The following ADCY4 variants were observed in gnomAD, a reference collection of about 807,000 sequenced individuals.
ADCY4 encodes adenylate cyclase type 4.
A neutral mutation model predicts 125.5 loss-of-function variants in ADCY4; 111 were observed. The ratio of observed to expected loss-of-function variants is 0.88; its 90% confidence interval spans 0.76 to 1.04. The LOEUF is 1.04. Ranked by LOEUF, ADCY4 falls within the 50% of genes least tolerant of loss-of-function variation. ADCY4 has a pLI of 0.00. For missense variants in ADCY4, 1,256 were observed against 1,382.9 expected (o/e 0.91, Z 1.46); for synonymous variants, 576 against 586.9 (o/e 0.98, Z 0.27).
At chr14:24,321,259 A>AT (rs60802826) in intron 20 of ADCY4, among the ~76,000 whole-genome samples, 15 of 150,844 alleles carry the variant, frequency 9.9e-5, no homozygotes, top group East Asian at 3.9e-4. Context: ...AAAAAAAAAA[A>AT]ATATAAAAAA....
At chr14:24,325,058 A>C (rs2041920701) in intron 14 of ADCY4, among the ~76,000 whole-genome samples, 1 of 152,146 alleles carries the variant, frequency 6.6e-6, no homozygotes, top group Non-Finnish European at 1.5e-5. Flanking sequence ...ACTAGGAATG[A>C]GGGCCTACTT....
rs953252408 is a variant in ADCY4 at position 24,323,610 on chromosome 14, G to C, written c.2047-156C>G. On this transcript the variant is annotated intron_variant, in intron 16 of 24. Transcript: ENST00000418030. ...GGTTGGGAAGGGAACCTCAGCACTG[G>C]GGTCCTCACTCGGGGAGGAGTTATG... 4 of 1,445,984 alleles carry C rather than the reference G, an allele frequency of 2.8e-6. No individual in the cohort carries two copies. In the African/African-American group the frequency reaches 5.7e-5, roughly 21 times the overall value. The allele number at this position is 1,445,984 out of a possible 1,614,324, so 89.6% of individuals were successfully genotyped here.
chr14:24,319,283 A>T lies in ADCY4; in HGVS notation c.2841+46T>A, dbSNP rs776528654. 6.2e-7 allele frequency: 1 copy of T among 1,612,746 alleles called. No individual in the cohort carries two copies. The highest frequency in any genetic ancestry group is 8.5e-7 in the Non-Finnish European group (1 of 1,178,826). ...AATAAGTCCCACTAATAAGCCCATC[A>T]ATGAGAGCCCAGAGGAGGATGGTAG... On this transcript the variant is annotated intron_variant, in intron 22 of 24. Transcript: ENST00000418030. The surrounding 1 kb of genome is among the most constrained non-coding windows in gnomAD (Gnocchi z 4.5).
At position 24,331,920 on chromosome 14, in the gene ADCY4, C is replaced by T; in HGVS notation, c.537G>A (p.Val179=). 1 of 1,568,092 alleles carries T rather than the reference C, an allele frequency of 6.4e-7. No homozygotes were observed. Among genetic ancestry groups the T allele is most frequent in the Non-Finnish European group, 8.7e-7 (1 of 1,148,862 alleles). Residue 179 remains valine (V), a synonymous_variant, in exon 4 of 25, where the codon GTG becomes GTA. Coordinates refer to ENST00000418030, the MANE Select transcript of ADCY4 (RefSeq NM_001198568.2). ...ALLPQLAANA[V]LFLCGNVAGV... is the part of the protein sequence containing the mutation. Reference sequence around the variant, plus strand: ...CTGCCACGTTCCCGCACAGGAACAGCACTGCGTTTGCTGCCAACTGTGGGT... The same window carrying T: ...CTGCCACGTTCCCGCACAGGAACAGTACTGCGTTTGCTGCCAACTGTGGGT...
chr14:24,324,281 C>T, intron 15 of ADCY4, 26 bp downstream of exon 15: 1 of 1,613,956 alleles, frequency 6.2e-7, no homozygotes, highest in African/African-American at 1.3e-5. Flanking sequence ...TCCGGCATAC[C>T]ACTTCCACCC....
Position 24,326,127 on chromosome 14 carries a change from G to A in ADCY4, c.1607C>T (p.Thr536Ile). The change falls in exon 12 of 25, where the codon ACC (threonine) becomes ATC (isoleucine). Residue 536 changes from threonine to isoleucine, a missense_variant. Coordinates refer to ENST00000418030, the MANE Select transcript of ADCY4 (RefSeq NM_001198568.2). ...TPRGLDDELD[T>I]GDAKFFQVIE... The stretch of plus-strand genomic sequence containing the variant: ...GACCTGGAAGAACTTGGCATCCCCG[G>A]TGTCCAGTTCATCATCTAGTCCCCG... The A allele has an allele frequency of 5.7e-6, 9 of 1,591,774 alleles. No homozygotes were observed. Among genetic ancestry groups the A allele is most frequent in the Middle Eastern group, 1.7e-4 (1 of 5,940 alleles).
chr14:24,325,582 C>T (rs942538246), intron 13 of ADCY4, 108 bp from the exon 14 acceptor site: 2 of 1,039,684 alleles, frequency 1.9e-6, no homozygotes, highest in African/African-American at 3.2e-5. Context: ...CGCCCAGGCT[C>T]CAGTTCAGTT....
intron 1 of ADCY4, among the ~76,000 whole-genome samples, chr14:24,333,503 A>G (rs567332659): frequency 6.6e-6 from 1 of 152,224 alleles, no homozygotes; most frequent in South Asian, 2.1e-4. Flanking sequence ...TGCTGGGATT[A>G]CAGGCGTGAG....
rs770898251 is a variant in ADCY4, at chr14:24,332,888, C to A, written c.260G>T (p.Arg87Leu). 1 of 1,605,306 alleles carries A rather than the reference C, an allele frequency of 6.2e-7. No individual in the cohort carries two copies. The highest frequency in any genetic ancestry group is 8.5e-7 in the Non-Finnish European group (1 of 1,175,720). The change falls in exon 2 of 25, where the codon CGC becomes CTC. Residue 87 changes from arginine to leucine, a missense_variant. Arg to Leu is a moderately radical substitution (Grantham distance 102). Transcript: ENST00000418030. ...GLASREQRLQ[R>L]WTRPLSGLVW... Reference sequence around the variant, plus strand: ...CAAGCCGGACAGGGGACGCGTCCAGCGCTGCAGTCGCTGCTCCCGGGAAGC... The same window carrying A: ...CAAGCCGGACAGGGGACGCGTCCAGAGCTGCAGTCGCTGCTCCCGGGAAGC...
chr14:24,331,459 C>T, intron 4 of ADCY4, 103 bp from the exon 5 acceptor site: 9 of 1,500,844 alleles, frequency 6.0e-6, no homozygotes, highest in Non-Finnish European at 8.1e-6. Flanking sequence ...CTAGGTGCTC[C>T]CCAGGGTGCT....
chr14:24,328,230 G>GT (rs2041980297), intron 10 of ADCY4, among the ~76,000 whole-genome samples: 2 of 85,484 alleles, frequency 2.3e-5, no homozygotes, highest in South Asian at 4.5e-4. Context: ...GGAAAGCGGG[G>GT]TGGGGGGGGG....
At chr14:24,322,461 G>A (rs1566432409) in intron 19 of ADCY4, 163 bp downstream of exon 19, 9 of 878,280 alleles carry the variant, frequency 1.0e-5, no homozygotes, top group Non-Finnish European at 1.6e-5. Flanking sequence ...AGATAGGGGT[G>A]TGGGAGAAAG....
intron 10 of ADCY4, among the ~76,000 whole-genome samples, chr14:24,327,361 T>C (rs191944638): frequency 1.3e-5 from 2 of 152,208 alleles, no homozygotes; most frequent in Non-Finnish European, 2.9e-5. Flanking sequence ...AGGTCTAGCA[T>C]GGGCCCCGGC....
chr14:24,322,876 G>A lies in ADCY4; in HGVS notation c.2342+28C>T, dbSNP rs772168541. 2.9e-5 allele frequency: 46 copies of A among 1,566,698 alleles called. No homozygotes were observed. The South Asian group carries it at 3.4e-4, about 11-fold the overall frequency. On this transcript the variant is annotated intron_variant, in intron 18 of 24. Transcript: ENST00000418030. ...CATCTCACCCCATCCCAGGGGGCCC[G>A]GCACCTCTGTCCAGCAGCTGTGCAC... is the stretch of plus-strand genomic sequence containing the variant.
rs755084061 is a variant in ADCY4 at position 24,318,705 on chromosome 14, T to C, written c.3030A>G (p.Thr1010=). 1 of 1,614,212 alleles carries C rather than the reference T, an allele frequency of 6.2e-7. No individual in the cohort carries two copies. Among genetic ancestry groups the C allele is most frequent in the South Asian group, 1.1e-5 (1 of 91,090 alleles). Residue 1010 remains threonine, a synonymous_variant, in exon 24 of 25, where the codon ACA becomes ACG. Coordinates refer to ENST00000418030, the MANE Select transcript of ADCY4 (RefSeq NM_001198568.2). ...QKPQYDIWGN[T]VNVASRMEST... Reference sequence around the variant, plus strand: ...TCTCCATGCGGCTGGCCACGTTCACTGTGTTGCCCCAAATGTCATATTGCG... The same window carrying C: ...TCTCCATGCGGCTGGCCACGTTCACCGTGTTGCCCCAAATGTCATATTGCG...
chr14:24,322,531 T>C (rs368259756), intron 19 of ADCY4, 93 bp downstream of exon 19: 10 of 1,351,710 alleles, frequency 7.4e-6, no homozygotes, highest in East Asian at 7.1e-5. Flanking sequence ...AAGCTTCCAA[T>C]GGGCATTCAA....
At chr14:24,324,032 G>T (rs201171584) in intron 16 of ADCY4, 30 bp downstream of exon 16, 151 of 1,609,640 alleles carry the variant, frequency 9.4e-5, no homozygotes, top group Admixed American at 2.2e-4. Flanking sequence ...ATGCCCTCAT[G>T]GGGGTGGATA....
At chr14:24,320,011 A>T in intron 20 of ADCY4, 123 bp from the exon 21 acceptor site, 1 of 1,197,278 alleles carries the variant, frequency 8.4e-7, no homozygotes. Flanking sequence ...AGAATTGGGA[A>T]GGAGGGAGAG....
rs2041819108 is a variant in ADCY4, at chr14:24,319,414, C to G, written c.2756G>C (p.Ser919Thr). ...FDELLSKPKFSGVEKIKTIGS... is the reference protein window; with the variant it reads ...FDELLSKPKFTGVEKIKTIGS... ...GATGGTCTTGATCTTCTCCACCCCA[C>G]TGAACTTGGGCTTGGAGAGCAGCTG... The change falls in exon 22 of 25, where the codon AGT becomes ACT. Residue 919 changes from serine (S) to threonine (T), a missense_variant. Transcript: ENST00000418030. The surrounding 1 kb of genome is among the most constrained non-coding windows in gnomAD (Gnocchi z 4.5). 1.9e-6 allele frequency: 3 copies of G among 1,614,104 alleles called. No individual in the cohort carries two copies. Among genetic ancestry groups the G allele is most frequent in the Non-Finnish European group, 2.5e-6 (3 of 1,180,042 alleles).
Sources: gnomAD v4.1 joint callset for allele counts (sites outside exome capture counted in the v4.1 genomes callset) on GRCh38, gnomAD v4.1.1 for gene constraint, Gnocchi (gnomAD v3.1) non-coding constraint, MANE v1.5 for transcripts, NCBI Gene and HGNC (gene_info 2026-07-23, HGNC 2026-07-21) for gene names.